Variants in TNFRSF10A observed in about 807,000 individuals in gnomAD.
The protein encoded by TNFRSF10A is TNF receptor superfamily member 10a.
TNFRSF10A carries 44 observed loss-of-function variants against 42.8 expected under a neutral mutation model. The observed-to-expected ratio is 1.03, with a 90% CI of 0.81 to 1.32. The LOEUF is 1.32. Among genes scored for constraint, TNFRSF10A ranks in the 40% most tolerant of loss-of-function variants. The probability of loss-of-function intolerance (pLI) is 0.00; values close to 1 mark genes in which losing one functional copy is unlikely to be tolerated. For missense variants in TNFRSF10A, 680 were observed against 602.0 expected, an observed-to-expected ratio of 1.13 and a Z score of -1.36; for synonymous variants, 259 against 234.2, an observed-to-expected ratio of 1.11 and a Z score of -0.97.
chr8:23,219,429 G>A (rs1377417677), intron 1 of TNFRSF10A, among the ~76,000 whole-genome samples: 1 of 144,136 alleles, frequency 6.9e-6, no homozygotes, highest in African/African-American at 2.5e-5. Context: ...CCAAGTGCAG[G>A]GCAGAGATGT....
At chr8:23,218,035 G>A (rs1236102858) in intron 1 of TNFRSF10A, among the ~76,000 whole-genome samples, 2 of 152,182 alleles carry the variant, frequency 1.3e-5, no homozygotes, top group Admixed American at 6.5e-5. Context: ...AACAAGTGAT[G>A]CTGGGACACA....
At position 23,200,744 on chromosome 8, in the gene TNFRSF10A, C is replaced by G. The variant is rs1195689118; in HGVS notation, c.646G>C (p.Val216Leu). ...KCSRGCPRGM[V>L]KVKDCTPWSD... Reference sequence around the variant, plus strand: ...CAGGGCGTACAATCCTTGACCTTGACCATCCCTCTGGGGCACCTGGGTACA... The same window carrying G: ...CAGGGCGTACAATCCTTGACCTTGAGCATCCCTCTGGGGCACCTGGGTACA... The change falls in exon 5 of 10, where the codon GTC becomes CTC. Residue 216 changes from valine to leucine, a missense_variant. Coordinates refer to ENST00000221132, the MANE Select transcript of TNFRSF10A (RefSeq NM_003844.4). 6.2e-7 allele frequency: 1 copy of G among 1,613,800 alleles called. No homozygotes were observed. Among genetic ancestry groups the G allele is most frequent in the Non-Finnish European group, 8.5e-7 (1 of 1,179,894 alleles).
Position 23,212,186 on chromosome 8 carries a change from G to T in TNFRSF10A, c.333C>A (p.Ile111=). The T allele has an allele frequency of 6.2e-7, 1 of 1,613,722 alleles. No homozygotes were observed. Among genetic ancestry groups the T allele is most frequent in the Non-Finnish European group, 8.5e-7 (1 of 1,179,708 alleles). The change falls in exon 2 of 10, where the codon ATC becomes ATA. Residue 111 remains isoleucine, a synonymous_variant. Transcript: ENST00000221132. ...LQVVPSSAAT[I]KLHDQSIGTQ... ...TGCCAATTGATTGATCATGAAGTTT[G>T]ATGGTTGCAGCTGAGCTAGGTACGA...
intron 1 of TNFRSF10A, among the ~76,000 whole-genome samples, chr8:23,216,028 G>A (rs1218070667): frequency 6.6e-6 from 1 of 151,986 alleles, no homozygotes; most frequent in Non-Finnish European, 1.5e-5. Context: ...ATGTTGGTCC[G>A]GCTGGTCTCA....
intron 8 of TNFRSF10A, among the ~76,000 whole-genome samples, chr8:23,198,018 T>C (rs1028883195): frequency 6.6e-6 from 1 of 152,122 alleles, no homozygotes; most frequent in African/African-American, 2.4e-5. Context: ...ATGTTTGCCT[T>C]CTTTTTTTTT....
intron 1 of TNFRSF10A, among the ~76,000 whole-genome samples, chr8:23,222,347 A>G (rs544272861): frequency 2.0e-5 from 3 of 152,354 alleles, no homozygotes; most frequent in African/African-American, 4.8e-5. Context: ...CATATGACAC[A>G]TACAAGGGTT....
Position 23,191,930 on chromosome 8 carries a change from T to A in TNFRSF10A, c.1171A>T (p.Lys391Ter). ...GCTCTGACCACATCGATCTCATTTT[T>A]CGTGAGGTCCAGCTGCCTCATGAGC... ...DQLMRQLDLT[K>*]NEIDVVRAGT... Residue 391 changes from lysine to a stop codon, truncating the protein, a stop_gained, in exon 10 of 10, where the codon AAA becomes TAA. Transcript: ENST00000221132. LOFTEE classifies it low-confidence loss of function (END_TRUNC). 2 of 1,614,184 alleles carry A rather than the reference T, an allele frequency of 1.2e-6. No homozygotes were observed. Among genetic ancestry groups the A allele is most frequent in the Non-Finnish European group, 1.7e-6 (2 of 1,180,044 alleles).
rs1470639962 is a variant in TNFRSF10A, at chr8:23,191,711, C to A, written c.1390G>T (p.Ala464Ser). ...FIYLEDGTGSAVSLE is the reference protein window; with the variant it reads ...FIYLEDGTGSSVSLE ...AGAGTCTTTCACTCCAAGGACACGG[C>A]AGAGCCTGTGCCATCTTCTAAGTAG... Residue 464 changes from alanine to serine, a missense_variant, in exon 10 of 10, where the codon GCC becomes TCC. Ala to Ser is a moderately conservative substitution (Grantham distance 99, BLOSUM62 1). Transcript: ENST00000221132. The A allele has an allele frequency of 1.9e-6, 3 of 1,613,718 alleles. No homozygotes were observed. Among genetic ancestry groups the A allele is most frequent in the Non-Finnish European group, 2.5e-6 (3 of 1,179,886 alleles).
chr8:23,200,200 C>T (rs1800886953), intron 6 of TNFRSF10A, among the ~76,000 whole-genome samples: 1 of 152,230 alleles, frequency 6.6e-6, no homozygotes, highest in African/African-American at 2.4e-5. Flanking sequence ...CTCGTCTCGA[C>T]TCTTGTCATC....
chr8:23,191,862 C>A lies in TNFRSF10A; in HGVS notation c.1239G>T (p.Met413Ile), dbSNP rs1272251361. 4.3e-6 allele frequency: 7 copies of A among 1,613,946 alleles called. No homozygotes were observed. Among genetic ancestry groups the A allele is most frequent in the Admixed American group, 1.7e-5 (1 of 60,000 alleles). Residue 413 changes from methionine to isoleucine, a missense_variant, in exon 10 of 10, where the codon ATG (methionine) becomes ATT (isoleucine). Transcript: ENST00000221132. Reference sequence around the variant, plus strand: ...TCCGTCCAGTTTTGTTGACCCATTTCATCAGCATTGCATACAAGGCATCCC... The same window carrying A: ...TCCGTCCAGTTTTGTTGACCCATTTAATCAGCATTGCATACAAGGCATCCC... ...GPGDALYAMLMKWVNKTGRNA... is the reference protein window; with the variant it reads ...GPGDALYAMLIKWVNKTGRNA...
At position 23,200,686 on chromosome 8, in the gene TNFRSF10A, C is replaced by G. The variant is rs1163306729; in HGVS notation, c.703+1G>C. On this transcript the variant is annotated splice_donor_variant, in intron 5 of 9. Transcript: ENST00000221132. LOFTEE classifies it high-confidence loss of function. ...TGGGGCTTCCCCAGTGGGCTTTGTA[C>G]CTGATTCTTTGTGGACACACTCGAT... 6.2e-7 allele frequency: 1 copy of G among 1,613,972 alleles called. No homozygotes were observed. The highest frequency in any genetic ancestry group is 8.5e-7 in the Non-Finnish European group (1 of 1,180,010).
At chr8:23,214,838 A>C (rs1801154504) in intron 1 of TNFRSF10A, among the ~76,000 whole-genome samples, 1 of 152,236 alleles carries the variant, frequency 6.6e-6, no homozygotes. Context: ...AGGTTTAAAA[A>C]GGCACTTTAC....
intron 9 of TNFRSF10A, 129 bp from the exon 10 acceptor site, chr8:23,192,142 G>T: frequency 6.9e-7 from 1 of 1,450,644 alleles, no homozygotes; most frequent in Non-Finnish European, 9.1e-7. Flanking sequence ...CAAACCTGTT[G>T]CTCCATTGCC....
At chr8:23,202,799 C>T in intron 2 of TNFRSF10A, 38 bp from the exon 3 acceptor site, 2 of 1,422,666 alleles carry the variant, frequency 1.4e-6, no homozygotes, top group South Asian at 2.3e-5. Context: ...TGAATTGCCA[C>T]AGAGTTCCCA....
intron 1 of TNFRSF10A, among the ~76,000 whole-genome samples, chr8:23,216,635 G>A (rs771994559): frequency 2.6e-5 from 4 of 151,894 alleles, no homozygotes; most frequent in Non-Finnish European, 4.4e-5. Context: ...CCAGCTACTC[G>A]GGAGGCTGAG....
At position 23,202,698 on chromosome 8, in the gene TNFRSF10A, T is replaced by G. The variant is rs532602797; in HGVS notation, c.467A>C (p.Asn156Thr). Residue 156 changes from asparagine to threonine, a missense_variant, in exon 3 of 10, where the codon AAT (asparagine) becomes ACT (threonine). Transcript: ENST00000221132. ...NRCTEGVGYTNASNNLFACLP... is the reference protein window; with the variant it reads ...NRCTEGVGYTTASNNLFACLP... ...GCAAGCAAACAAATTGTTGGAAGCA[T>G]TGGTGTAACCCACACCCTCTGTGCA... 1.2e-5 allele frequency: 20 copies of G among 1,614,030 alleles called. No individual in the cohort carries two copies. Among genetic ancestry groups the G allele is most frequent in the African/African-American group, 2.7e-5 (2 of 75,026 alleles).
chr8:23,199,109 G>T (rs1800868549), intron 8 of TNFRSF10A, among the ~76,000 whole-genome samples, 157 bp downstream of exon 8: 1 of 152,144 alleles, frequency 6.6e-6, no homozygotes, highest in African/African-American at 2.4e-5. Flanking sequence ...TTGGAAGAGT[G>T]CCTGTCCCCT....
At chr8:23,224,601 T>C in intron 1 of TNFRSF10A, 155 bp downstream of exon 1, 1 of 1,044,318 alleles carries the variant, frequency 9.6e-7, no homozygotes, top group South Asian at 1.7e-5. Context: ...GGGGACCCCG[T>C]TCTTCCTCCG....
rs759604436 is a variant in TNFRSF10A at position 23,191,791 on chromosome 8, T to C, written c.1310A>G (p.Glu437Gly). The C allele has an allele frequency of 1.1e-5, 17 of 1,614,034 alleles. No homozygotes were observed. The highest frequency in any genetic ancestry group is 1.3e-5 in the Non-Finnish European group (15 of 1,180,032). Residue 437 changes from glutamate to glycine, a missense_variant, in exon 10 of 10, where the codon GAG becomes GGG. By Grantham distance (98) the Glu-to-Gly change is moderately conservative. Transcript: ENST00000221132. ...TLLDALERME[E>G]RHAREKIQDL... is the part of the protein sequence containing the mutation. ...CTGAATCTTCTCTCTTGCATGTCTC[T>C]CTTCCATCCTCTCCAAGGCATCCAG...
Sources: allele counts gnomAD v4.1 joint callset (sites outside exome capture counted in the v4.1 genomes callset), GRCh38; gene constraint gnomAD v4.1.1; transcripts MANE v1.5; gene names NCBI Gene and HGNC (gene_info 2026-07-23, HGNC 2026-07-21).